The following LDAH variants were observed in gnomAD, a reference collection of about 807,000 sequenced individuals.
LDAH encodes the protein lipid droplet associated hydrolase, also known as lipid droplet-associated hydrolase.
Under a neutral mutation model 29.6 loss-of-function variants are expected in LDAH, and 26 were observed. The observed-to-expected ratio is 0.88, with a 90% CI of 0.64 to 1.22. The LOEUF is 1.22. LDAH is among the 50% of genes most tolerant of loss of function. The pLI, the probability that LDAH is intolerant of heterozygous loss-of-function variation, is 0.00. For missense variants in LDAH, 344 were observed against 387.3 expected, an observed-to-expected ratio of 0.89 and a Z score of 0.94; for synonymous variants, 117 against 133.0, an observed-to-expected ratio of 0.88 and a Z score of 0.83.
intron 1 of LDAH, among the ~76,000 whole-genome samples, chr2:20,816,633 C>T (rs519025): frequency 0.16 from 24,208 of 151,828 alleles, 4,713 homozygotes; most frequent in African/African-American, 0.47. Context: ...ACAGAGACAT[C>T]CATAATTATA....
At chr2:20,813,175 C>G (rs1245217618) in intron 1 of LDAH, among the ~76,000 whole-genome samples, 1 of 151,916 alleles carries the variant, frequency 6.6e-6, no homozygotes, top group African/African-American at 2.4e-5. Context: ...ATTTTTTAAC[C>G]TTTTGCATCA....
chr2:20,685,280 G>A lies in LDAH; in HGVS notation c.*1623C>T. On this transcript the variant is annotated 3_prime_UTR_variant, in exon 7 of 7. Transcript: ENST00000237822. ...ATGATTTACCCAGTATTGTTTACAT[G>A]CCTTGATTTAGTATCAGTGAGTATC... 5.9e-6 allele frequency: 3 copies of A among 507,804 alleles called. No individual in the cohort carries two copies. Among genetic ancestry groups the A allele is most frequent in the Non-Finnish European group, 1.0e-5 (3 of 292,642 alleles). 31.5% of individuals were successfully genotyped at this position (507,804 alleles called of 1,614,324 possible).
At chr2:20,808,322 T>C (rs1484724707) in intron 1 of LDAH, among the ~76,000 whole-genome samples, 5 of 152,216 alleles carry the variant, frequency 3.3e-5, no homozygotes, top group South Asian at 2.1e-4. Flanking sequence ...AAATGGAAAT[T>C]GTTAAGCTAA....
intron 3 of LDAH, among the ~76,000 whole-genome samples, chr2:20,787,822 C>T (rs1008556211): frequency 1.3e-5 from 2 of 152,096 alleles, no homozygotes; most frequent in South Asian, 2.1e-4. Flanking sequence ...TTAAGATACA[C>T]ACTTCATCAC....
At chr2:20,766,069 A>G (rs1572580321) in intron 4 of LDAH, among the ~76,000 whole-genome samples, 1 of 150,550 alleles carries the variant, frequency 6.6e-6, no homozygotes, top group South Asian at 2.1e-4. Flanking sequence ...AATGGTTTTC[A>G]AACTTTTTTT....
At chr2:20,740,807 T>C (rs1488224927) in intron 4 of LDAH, among the ~76,000 whole-genome samples, 1 of 152,220 alleles carries the variant, frequency 6.6e-6, no homozygotes, top group African/African-American at 2.4e-5. Context: ...CTGGATCACA[T>C]GGTAAGAATA....
At chr2:20,761,674 T>C (rs183043512) in intron 4 of LDAH, among the ~76,000 whole-genome samples, 2 of 152,230 alleles carry the variant, frequency 1.3e-5, no homozygotes, top group Admixed American at 6.5e-5. Flanking sequence ...ACATAATTTA[T>C]ACCTACTGGG....
intron 4 of LDAH, among the ~76,000 whole-genome samples, chr2:20,765,002 T>C (rs957531647): frequency 1.3e-5 from 2 of 152,202 alleles, no homozygotes; most frequent in Non-Finnish European, 2.9e-5. Flanking sequence ...ATTTTAAAAA[T>C]TGAGCTAGAC....
chr2:20,746,106 G>A (rs1667552230), intron 4 of LDAH, among the ~76,000 whole-genome samples: 1 of 152,174 alleles, frequency 6.6e-6, no homozygotes, highest in Admixed American at 6.6e-5. Context: ...CAGTTCAAGT[G>A]TTTACTAAAA....
At chr2:20,722,316 T>G (rs1413229788) in intron 5 of LDAH, among the ~76,000 whole-genome samples, 2 of 143,694 alleles carry the variant, frequency 1.4e-5, no homozygotes, top group Non-Finnish European at 3.0e-5. Context: ...GGAGGCAGAG[T>G]TTGCAGTGAG....
chr2:20,817,930 T>C (rs1033458953), intron 1 of LDAH, among the ~76,000 whole-genome samples: 1 of 152,052 alleles, frequency 6.6e-6, no homozygotes, highest in Non-Finnish European at 1.5e-5. Context: ...ATTATAGAGA[T>C]AGAGCAGTGG....
chr2:20,811,973 T>TATGG (rs1672534245), intron 1 of LDAH, among the ~76,000 whole-genome samples: 1 of 152,070 alleles, frequency 6.6e-6, no homozygotes, highest in South Asian at 2.1e-4. Flanking sequence ...TTGGTAATGA[T>TATGG]ATGGAGAACC....
intron 3 of LDAH, among the ~76,000 whole-genome samples, chr2:20,775,804 T>A (rs1242868787): frequency 5.9e-5 from 9 of 152,200 alleles, no homozygotes; most frequent in Admixed American, 5.9e-4. Context: ...CCTCTTTTAT[T>A]ATAGCACTTT....
intron 2 of LDAH, among the ~76,000 whole-genome samples, chr2:20,800,963 G>C (rs1410506574): frequency 6.6e-6 from 1 of 152,086 alleles, no homozygotes; most frequent in East Asian, 1.9e-4. Flanking sequence ...TAATCATGTT[G>C]AAATGAGGCA....
chr2:20,723,180 T>A (rs528644946), intron 5 of LDAH, among the ~76,000 whole-genome samples: 1 of 152,312 alleles, frequency 6.6e-6, no homozygotes, highest in East Asian at 1.9e-4. Flanking sequence ...AATGAAATAA[T>A]TAAAGTTGCA....
chr2:20,774,847 A>G lies in LDAH; in HGVS notation c.431T>C (p.Phe144Ser). ...VLIGHSIGSY[F>S]TLQMLKRVPE... ...GACTCGCTTCAGCATCTGAAGTGTG[A>G]AATAGCTGCCTATTGAATGGCCAAT... Residue 144 changes from phenylalanine (F) to serine (S), a missense_variant, in exon 4 of 7, where the codon TTC (phenylalanine) becomes TCC (serine). By Grantham distance (155) the Phe-to-Ser change is radical. Transcript: ENST00000237822. 6.2e-7 allele frequency: 1 copy of G among 1,613,410 alleles called. No individual in the cohort carries two copies. The highest frequency in any genetic ancestry group is 8.5e-7 in the Non-Finnish European group (1 of 1,179,964).
intron 3 of LDAH, among the ~76,000 whole-genome samples, chr2:20,784,127 T>A (rs1299021993): frequency 6.6e-6 from 1 of 152,184 alleles, no homozygotes; most frequent in Non-Finnish European, 1.5e-5. Flanking sequence ...TTACTGAGGC[T>A]GGGCATGGTG....
chr2:20,802,152 C>T (rs751453930), intron 1 of LDAH, among the ~76,000 whole-genome samples: 30 of 151,896 alleles, frequency 2.0e-4, no homozygotes, highest in South Asian at 1.0e-3. Flanking sequence ...CTCTGCCTCC[C>T]AGGTTCAAGC....
chr2:20,750,534 C>T (rs7355757), intron 4 of LDAH, among the ~76,000 whole-genome samples: 1 of 152,192 alleles, frequency 6.6e-6, no homozygotes, highest in Non-Finnish European at 1.5e-5. Context: ...AGAAATTCAC[C>T]TAACTCAATG....
Sources: gnomAD v4.1 joint callset for allele counts (sites outside exome capture counted in the v4.1 genomes callset) on GRCh38, gnomAD v4.1.1 for gene constraint, MANE v1.5 for transcripts, NCBI Gene and HGNC (gene_info 2026-07-23, HGNC 2026-07-21) for gene names.